RPTOR: variants seen among roughly 807,000 people sequenced by gnomAD.
RPTOR encodes the protein regulatory-associated protein of mTOR.
Under a neutral mutation model 169.9 loss-of-function variants are expected in RPTOR, and 21 were observed. That is an observed-to-expected ratio of 0.12 (90% confidence interval 0.09 to 0.18). The LOEUF (loss-of-function observed/expected upper bound fraction) is 0.18. RPTOR is among the 10% of genes least tolerant of loss of function. RPTOR has a pLI of 1.00. For missense variants in RPTOR, 1,133 were observed against 1,855.9 expected (o/e 0.61, Z 7.16); for synonymous variants, 732 against 753.2 (o/e 0.97, Z 0.46).
intron 6 of RPTOR, among the ~76,000 whole-genome samples, chr17:80,778,066 A>C (rs1598298273): frequency 6.6e-6 from 1 of 152,208 alleles, no homozygotes; most frequent in East Asian, 1.9e-4. Flanking sequence ...ATACCATAAA[A>C]GTTTGCCATT....
intron 1 of RPTOR, among the ~76,000 whole-genome samples, chr17:80,552,762 G>A (rs2084361004): frequency 1.3e-5 from 2 of 152,220 alleles, no homozygotes; most frequent in Admixed American, 1.3e-4. Flanking sequence ...TAAGTAACAT[G>A]GCTAGCAGTG....
chr17:80,822,099 C>A, intron 7 of RPTOR, 102 bp from the exon 8 acceptor site: 1 of 1,039,896 alleles, frequency 9.6e-7, no homozygotes, highest in South Asian at 1.3e-5. Context: ...CTCCCTCGCT[C>A]AGAGCCTTTC....
chr17:80,907,958 G>C (rs140656836), intron 20 of RPTOR, among the ~76,000 whole-genome samples: 2 of 152,154 alleles, frequency 1.3e-5, no homozygotes, highest in Non-Finnish European at 2.9e-5. Flanking sequence ...GCACGCTGTC[G>C]TGGACGTAGC....
intron 14 of RPTOR, among the ~76,000 whole-genome samples, chr17:80,881,080 A>G (rs975650214): frequency 2.0e-5 from 3 of 152,276 alleles, no homozygotes; most frequent in Non-Finnish European, 2.9e-5. Context: ...CTTAGTAATG[A>G]GAACAAAATA....
At chr17:80,942,476 C>T (rs28672712) in intron 25 of RPTOR, among the ~76,000 whole-genome samples, 5,545 of 151,766 alleles carry the variant, frequency 0.037, 265 homozygotes, top group African/African-American at 0.11. Flanking sequence ...GCTGCTGAGC[C>T]GCTGGAGACA....
intron 24 of RPTOR, 92 bp from the exon 25 acceptor site, chr17:80,940,404 A>G (rs766963011): frequency 2.9e-6 from 3 of 1,038,780 alleles, no homozygotes; most frequent in Non-Finnish European, 4.3e-6. Context: ...AGGTTTTGCT[A>G]TCCGAGGGGT....
At chr17:80,766,397 G>A (rs908177544) in intron 6 of RPTOR, among the ~76,000 whole-genome samples, 1 of 152,100 alleles carries the variant, frequency 6.6e-6, no homozygotes, top group Non-Finnish European at 1.5e-5. Flanking sequence ...TTACTTAGAT[G>A]GGAGTGCAGT....
At position 80,771,046 on chromosome 17, in the gene RPTOR, C is replaced by A. The variant is rs148006069; in HGVS notation, c.830+16861C>A. Among the ~76,000 whole-genome samples, 705 of 152,356 alleles carry A rather than the reference C, an allele frequency of 4.6e-3. 5 individuals carry two copies. The highest frequency in any genetic ancestry group is 0.016 in the African/African-American group (649 of 41,584). On this transcript the variant is annotated intron_variant, in intron 6 of 33. Coordinates refer to ENST00000306801, the MANE Select transcript of RPTOR (RefSeq NM_020761.3). ...TGATCGCTGCCTTCTGAGCCGTCAG[C>A]CTCACTGGCCTGTCCCTAATCCTTG...
rs1269576393 is a variant in RPTOR, at chr17:80,891,712, C to T, written c.1984-8C>T. On this transcript the variant is annotated splice_polypyrimidine_tract_variant and splice_region_variant and intron_variant, in intron 17 of 33. Coordinates refer to ENST00000306801, the MANE Select transcript of RPTOR (RefSeq NM_020761.3). ...GTGACTGTTATTGTCCCTTCTCCCT[C>T]TCGGCAGGAGCTGGTGGTGGCTCTG... is the stretch of plus-strand genomic sequence containing the variant. The T allele has an allele frequency of 6.3e-7, 1 of 1,594,246 alleles. No individual in the cohort carries two copies. The highest frequency in any genetic ancestry group is 8.6e-7 in the Non-Finnish European group (1 of 1,163,116).
At chr17:80,962,274 T>C (rs561622718) in intron 31 of RPTOR, among the ~76,000 whole-genome samples, 187 bp from the exon 32 acceptor site, 2 of 152,318 alleles carry the variant, frequency 1.3e-5, no homozygotes, top group East Asian at 3.9e-4. Flanking sequence ...GAGACCAGTA[T>C]GGGTGCATGT....
At chr17:80,723,556 G>A (rs1477888044) in intron 4 of RPTOR, among the ~76,000 whole-genome samples, 1 of 151,166 alleles carries the variant, frequency 6.6e-6, no homozygotes, top group East Asian at 1.9e-4. Flanking sequence ...ACACCTTCTA[G>A]CATTTTCTCT....
intron 7 of RPTOR, among the ~76,000 whole-genome samples, chr17:80,817,115 C>T (rs1034548748): frequency 6.6e-6 from 1 of 152,152 alleles, no homozygotes; most frequent in Non-Finnish European, 1.5e-5. Flanking sequence ...AGCCGCACAG[C>T]GGGAGGCACG....
At chr17:80,666,598 T>TA (rs1448497570) in intron 3 of RPTOR, among the ~76,000 whole-genome samples, 1 of 152,222 alleles carries the variant, frequency 6.6e-6, no homozygotes, top group Admixed American at 6.5e-5. Flanking sequence ...CAATAAGTGA[T>TA]ACCTCCTACT....
chr17:80,632,437 C>G (rs1442886645), intron 2 of RPTOR, among the ~76,000 whole-genome samples: 1 of 152,154 alleles, frequency 6.6e-6, no homozygotes, highest in African/African-American at 2.4e-5. Flanking sequence ...ACCGCCCTCT[C>G]CCACACAGTC....
chr17:80,756,431 G>T (rs1045709861), intron 6 of RPTOR, among the ~76,000 whole-genome samples: 3 of 152,218 alleles, frequency 2.0e-5, no homozygotes, highest in African/African-American at 7.2e-5. Flanking sequence ...TAGTAGAGTA[G>T]GGAGATTACG....
At chr17:80,622,927 A>G (rs903645485) in intron 1 of RPTOR, among the ~76,000 whole-genome samples, 1 of 152,186 alleles carries the variant, frequency 6.6e-6, no homozygotes, top group African/African-American at 2.4e-5. Flanking sequence ...ACAAAAAAAG[A>G]AAGTGATATA....
rs563077953 is a variant in RPTOR at position 80,858,058 on chromosome 17, C to T, written c.1509+158C>T. 117 of 645,094 alleles carry T rather than the reference C, an allele frequency of 1.8e-4. 1 individual carries two copies. The highest frequency in any genetic ancestry group is 1.2e-3 in the South Asian group (65 of 56,354). 40.0% of individuals were successfully genotyped at this position (645,094 alleles called of 1,614,324 possible). On this transcript the variant is annotated intron_variant, in intron 13 of 33. Transcript: ENST00000306801. ...CTTCTGGGGTAAAGTGGGACGCGCCCGCCTCGGCAGCCACCTCTGGGTCGT... is the reference window on the plus strand; with the variant it reads ...CTTCTGGGGTAAAGTGGGACGCGCCTGCCTCGGCAGCCACCTCTGGGTCGT...
intron 1 of RPTOR, among the ~76,000 whole-genome samples, chr17:80,600,807 T>G (rs1370719521): frequency 6.6e-6 from 1 of 152,048 alleles, no homozygotes; most frequent in Non-Finnish European, 1.5e-5. Context: ...GGCCAGAGGA[T>G]GGACAGTGGC....
At chr17:80,930,312 CCAGCT>C (rs575696923) in intron 24 of RPTOR, among the ~76,000 whole-genome samples, 1 of 80,188 alleles carries the variant, frequency 1.2e-5, no homozygotes, top group African/African-American at 4.5e-5. Context: ...CAGCTCATCC[CCAGCT>C]CAGCTCAGCT....
Sources: allele counts gnomAD v4.1 joint callset (sites outside exome capture counted in the v4.1 genomes callset), GRCh38; gene constraint gnomAD v4.1.1; transcripts MANE v1.5; gene names NCBI Gene and HGNC (gene_info 2026-07-23, HGNC 2026-07-21).